CDC42BPA: variants seen among roughly 807,000 people sequenced by gnomAD.
The protein encoded by CDC42BPA is serine/threonine-protein kinase MRCK alpha.
In CDC42BPA, 80 loss-of-function variants were observed where a neutral mutation model predicts 223.5. The observed-to-expected ratio is 0.36, with a 90% CI of 0.30 to 0.43. The LOEUF (loss-of-function observed/expected upper bound fraction) is 0.43. Ranked by LOEUF, CDC42BPA falls within the 20% of genes least tolerant of loss-of-function variation. The pLI, the probability that CDC42BPA is intolerant of heterozygous loss-of-function variation, is 1.00. For synonymous variants in CDC42BPA, 694 were observed against 718.6 expected, an observed-to-expected ratio of 0.97 and a Z score of 0.55; for missense variants, 1,743 against 2,099.9, an observed-to-expected ratio of 0.83 and a Z score of 3.32.
intron 16 of CDC42BPA, among the ~76,000 whole-genome samples, chr1:227,086,494 G>A (rs1380405710): frequency 6.6e-6 from 1 of 152,140 alleles, no homozygotes; most frequent in East Asian, 1.9e-4. Flanking sequence ...ATACGGTCAC[G>A]CCAATTGATT....
chr1:227,249,342 T>C (rs1053714923), intron 2 of CDC42BPA, among the ~76,000 whole-genome samples: 34 of 152,272 alleles, frequency 2.2e-4, no homozygotes, highest in Admixed American at 2.2e-3. Context: ...AAAGAAAACA[T>C]TGGTGAAAAT....
rs1249938818 is a variant in CDC42BPA, at chr1:227,318,452, G to A, written c.-1270C>T. Reference sequence around the variant, plus strand: ...TCAGCGAGGCTCCTCCAGTCCCGCCGCACAGAGGCGGAGGCTTGCGGACGA... The same window carrying A: ...TCAGCGAGGCTCCTCCAGTCCCGCCACACAGAGGCGGAGGCTTGCGGACGA... On this transcript the variant is annotated 5_prime_UTR_variant, in exon 1 of 37. Transcript: ENST00000366766. 2 of 152,100 alleles carry A rather than the reference G, an allele frequency of 1.3e-5. No homozygotes were observed. Among genetic ancestry groups the A allele is most frequent in the Non-Finnish European group, 2.9e-5 (2 of 68,178 alleles). The allele number at this position is 152,100 out of a possible 1,614,324, so 9.4% of individuals were successfully genotyped here. A position where few individuals can be genotyped will look rare whatever the true frequency, so the allele number is the denominator to read the frequency against.
chr1:227,314,461 A>G (rs1397718843), intron 1 of CDC42BPA, among the ~76,000 whole-genome samples: 3 of 152,084 alleles, frequency 2.0e-5, no homozygotes, highest in African/African-American at 4.8e-5. Context: ...GAAAAACAAC[A>G]TATCTGACTT....
At position 227,215,189 on chromosome 1, in the gene CDC42BPA, G is replaced by A. The variant is rs530110871; in HGVS notation, c.271-1970C>T. ...AATATTGGAACCAAAACCACCTCTG[G>A]AATATGCAACTGTGCAGTAGGAATA... is the stretch of plus-strand genomic sequence containing the variant. On this transcript the variant is annotated intron_variant, in intron 2 of 36. Transcript: ENST00000366766. Among the ~76,000 whole-genome samples the A allele has an allele frequency of 2.6e-5, 4 of 152,192 alleles. No individual in the cohort carries two copies. The East Asian group carries it at 7.7e-4, about 29-fold the overall frequency.
intron 5 of CDC42BPA, among the ~76,000 whole-genome samples, chr1:227,186,660 C>T (rs767854738): frequency 9.2e-5 from 14 of 152,192 alleles, no homozygotes; most frequent in Non-Finnish European, 1.3e-4. Flanking sequence ...CACACACGCC[C>T]CTTGCCACTA....
At chr1:227,142,627 T>TC (rs1558598368) in intron 9 of CDC42BPA, among the ~76,000 whole-genome samples, 1 of 151,298 alleles carries the variant, frequency 6.6e-6, no homozygotes, top group African/African-American at 2.4e-5. Context: ...ATGTTAACTT[T>TC]TTTTTTTTTT....
intron 11 of CDC42BPA, among the ~76,000 whole-genome samples, chr1:227,123,340 ACCAACTAAATGGTT>A (rs1358517461): frequency 1.3e-5 from 2 of 152,180 alleles, no homozygotes; most frequent in Non-Finnish European, 2.9e-5. Context: ...GTTAGCTGAT[ACCAACTAAATGGTT>A]CTTAGCTCAC....
At chr1:227,024,317 T>C (rs1432522473) in intron 31 of CDC42BPA, among the ~76,000 whole-genome samples, 4 of 152,160 alleles carry the variant, frequency 2.6e-5, no homozygotes, top group Non-Finnish European at 4.4e-5. Flanking sequence ...ATCCTGACAA[T>C]GGAAAGTACT....
intron 17 of CDC42BPA, among the ~76,000 whole-genome samples, chr1:227,075,250 T>A (rs1679217160): frequency 6.6e-6 from 1 of 152,202 alleles, no homozygotes; most frequent in Admixed American, 6.6e-5. Context: ...GCAGGCTGGT[T>A]GTCTTCAGAT....
rs368242399 is a variant in CDC42BPA at position 227,008,588 on chromosome 1, T to C, written c.4858-3477A>G. On this transcript the variant is annotated intron_variant, in intron 34 of 36. Coordinates refer to ENST00000366766, the MANE Select transcript of CDC42BPA (RefSeq NM_001394014.1). Reference sequence around the variant, plus strand: ...GGAGAGGTTAGAGCTCAGAGAAAGTTTGCAGCACTGAGCTTTCCTACATGC... The same window carrying C: ...GGAGAGGTTAGAGCTCAGAGAAAGTCTGCAGCACTGAGCTTTCCTACATGC... Among the ~76,000 whole-genome samples, 35 of 152,298 alleles carry C rather than the reference T, an allele frequency of 2.3e-4. 1 individual carries two copies. In the South Asian group the frequency reaches 7.0e-3, roughly 31 times the overall value.
At chr1:227,257,353 T>G (rs1303177460) in intron 1 of CDC42BPA, among the ~76,000 whole-genome samples, 1 of 144,782 alleles carries the variant, frequency 6.9e-6, no homozygotes, top group Non-Finnish European at 1.5e-5. Flanking sequence ...TTATATGTAT[T>G]TTACCACAAT....
intron 2 of CDC42BPA, among the ~76,000 whole-genome samples, chr1:227,242,733 G>C (rs762331586): frequency 6.6e-6 from 1 of 152,086 alleles, no homozygotes; most frequent in Non-Finnish European, 1.5e-5. Flanking sequence ...CATAAATTTA[G>C]TGAAACATGA....
chr1:227,302,171 C>T (rs1691747839), intron 1 of CDC42BPA, among the ~76,000 whole-genome samples: 1 of 152,146 alleles, frequency 6.6e-6, no homozygotes, highest in Non-Finnish European at 1.5e-5. Flanking sequence ...CTCCTGCTTC[C>T]TATATCCTGT....
chr1:227,251,066 G>T (rs1469117694), intron 2 of CDC42BPA, among the ~76,000 whole-genome samples: 1 of 152,048 alleles, frequency 6.6e-6, no homozygotes, highest in Non-Finnish European at 1.5e-5. Context: ...ATATTAAAAA[G>T]AACTATTAAA....
chr1:227,111,566 C>A (rs565762330), intron 14 of CDC42BPA, among the ~76,000 whole-genome samples: 5 of 152,274 alleles, frequency 3.3e-5, no homozygotes, highest in Admixed American at 1.3e-4. Context: ...CTCACTGCAA[C>A]CTCCACCTCC....
At chr1:227,253,607 AATACATACATAC>A (rs1553419178) in intron 2 of CDC42BPA, among the ~76,000 whole-genome samples, 17 of 116,466 alleles carry the variant, frequency 1.5e-4, no homozygotes, top group African/African-American at 5.0e-4. Flanking sequence ...AAAATAAATA[AATACATACATAC>A]ATACATACAT....
At chr1:227,294,072 C>T (rs1036836290) in intron 1 of CDC42BPA, among the ~76,000 whole-genome samples, 48 of 151,660 alleles carry the variant, frequency 3.2e-4, no homozygotes, top group African/African-American at 1.2e-3. Flanking sequence ...AAGATCAAGA[C>T]CATCCTGGCT....
chr1:227,139,591 T>G lies in CDC42BPA; in HGVS notation c.1375A>C (p.Ser459Arg). The G allele has an allele frequency of 6.3e-7, 1 of 1,590,762 alleles. No individual in the cohort carries two copies. The highest frequency in any genetic ancestry group is 8.5e-7 in the Non-Finnish European group (1 of 1,170,962). Residue 459 changes from serine to arginine, a missense_variant, in exon 10 of 37, where the codon AGT becomes CGT. Coordinates refer to ENST00000366766, the MANE Select transcript of CDC42BPA (RefSeq NM_001394014.1). ...ATATATTTACCTTGAAGTTTTCTAC[T>G]GAGTTCAAGTTTTTCTTGCTCAAGG... ...KRLEQEKLELSRKLQESTQTV... is the reference protein window; with the variant it reads ...KRLEQEKLELRRKLQESTQTV...
intron 30 of CDC42BPA, among the ~76,000 whole-genome samples, chr1:227,026,524 G>A (rs530216125): frequency 6.6e-6 from 1 of 152,220 alleles, no homozygotes; most frequent in Non-Finnish European, 1.5e-5. Context: ...AAATCTTCAG[G>A]TAAGTGTTCT....
Sources: allele counts gnomAD v4.1 joint callset (sites outside exome capture counted in the v4.1 genomes callset), GRCh38; gene constraint gnomAD v4.1.1; transcripts MANE v1.5; gene names NCBI Gene and HGNC (gene_info 2026-07-23, HGNC 2026-07-21).